CNTN4: variants seen among roughly 807,000 people sequenced by gnomAD.
CNTN4 encodes the protein contactin-4.
Under a neutral mutation model 122.5 loss-of-function variants are expected in CNTN4, and 77 were observed. The ratio of observed to expected loss-of-function variants is 0.63; its 90% CI spans 0.52 to 0.76. The LOEUF (loss-of-function observed/expected upper bound fraction) is 0.76, where lower values mean the gene tolerates loss of function less well. CNTN4 is among the 30% of genes least tolerant of loss of function. The probability of loss-of-function intolerance (pLI) is 0.00; values close to 1 mark genes in which losing one functional copy is unlikely to be tolerated. For synonymous variants in CNTN4, 512 were observed against 447.0 expected (o/e 1.15, Z -1.83); for missense variants, 1,256 against 1,259.1 (o/e 1.00, Z 0.04).
chr3:2,415,922 C>T (rs1457242601), intron 3 of CNTN4, among the ~76,000 whole-genome samples: 1 of 152,066 alleles, frequency 6.6e-6, no homozygotes, highest in Non-Finnish European at 1.5e-5. Context: ...AAGTTATAAC[C>T]TACATTTGTT....
rs116774526 is a variant in CNTN4, at chr3:2,680,431, G to A, written c.56-55784G>A. Among the ~76,000 whole-genome samples, 1,025 of 152,276 alleles carry A rather than the reference G, an allele frequency of 6.7e-3. 12 individuals carry two copies. Among genetic ancestry groups the A allele is most frequent in the African/African-American group, 0.023 (963 of 41,558 alleles). On this transcript the variant is annotated intron_variant, in intron 4 of 24. Transcript: ENST00000418658. ...ACATGGTGGTGCTCAGTCCTGGCTC[G>A]GATACAGTGAGGCAGGCTTTCTGTA...
intron 13 of CNTN4, among the ~76,000 whole-genome samples, chr3:2,969,607 G>A (rs1402445971): frequency 6.6e-6 from 1 of 152,092 alleles, no homozygotes; most frequent in East Asian, 1.9e-4. Flanking sequence ...GGAAAATTGT[G>A]ATCAGAGTGA....
At chr3:2,398,103 C>A (rs1232095490) in intron 3 of CNTN4, among the ~76,000 whole-genome samples, 1 of 151,932 alleles carries the variant, frequency 6.6e-6, no homozygotes, top group South Asian at 2.1e-4. Context: ...TATTAAAAGT[C>A]GAGACAGTTT....
chr3:2,593,197 A>G (rs1309888523), intron 4 of CNTN4, among the ~76,000 whole-genome samples: 2 of 152,230 alleles, frequency 1.3e-5, no homozygotes, highest in East Asian at 1.9e-4. Context: ...GCATAATATT[A>G]TAGCTGAAAT....
chr3:2,344,713 G>T (rs752805943), intron 3 of CNTN4, among the ~76,000 whole-genome samples: 1 of 152,094 alleles, frequency 6.6e-6, no homozygotes, highest in Admixed American at 6.5e-5. Flanking sequence ...TAAAATAAGG[G>T]TACTGATTAG....
chr3:2,281,359 A>G (rs188802962), intron 2 of CNTN4, among the ~76,000 whole-genome samples: 1 of 152,246 alleles, frequency 6.6e-6, no homozygotes, highest in Non-Finnish European at 1.5e-5. Context: ...GGGACTGTCT[A>G]GTAACTCCTA....
intron 4 of CNTN4, among the ~76,000 whole-genome samples, chr3:2,708,729 A>T (rs544058808): frequency 0.048 from 224 of 4,656 alleles, 1 homozygote; most frequent in African/African-American, 0.14. Flanking sequence ...CGCGCGCATC[A>T]CACACACACA....
chr3:2,928,397 G>A (rs1327072476), intron 13 of CNTN4, among the ~76,000 whole-genome samples: 1 of 152,154 alleles, frequency 6.6e-6, no homozygotes, highest in African/African-American at 2.4e-5. Flanking sequence ...AGAGAAGAGG[G>A]AAAATTAAGT....
intron 4 of CNTN4, among the ~76,000 whole-genome samples, chr3:2,689,497 G>A (rs907794655): frequency 6.6e-6 from 1 of 152,036 alleles, no homozygotes; most frequent in East Asian, 1.9e-4. Context: ...ATTCTTTTTT[G>A]TGACTTGCCT....
chr3:2,443,148 TAA>T (rs10576200), intron 3 of CNTN4, among the ~76,000 whole-genome samples: 38,650 of 139,794 alleles, frequency 0.28, 5,437 homozygotes, highest in Non-Finnish European at 0.35. Flanking sequence ...AAATAAAAGT[TAA>T]AAAAAAAAAA....
At chr3:2,761,693 A>T (rs2090599230) in intron 6 of CNTN4, among the ~76,000 whole-genome samples, 1 of 152,162 alleles carries the variant, frequency 6.6e-6, no homozygotes, top group Non-Finnish European at 1.5e-5. Context: ...ATTGGTACAT[A>T]GTAGATGTTC....
chr3:2,287,660 A>G (rs9871673), intron 2 of CNTN4, among the ~76,000 whole-genome samples: 16 of 33,288 alleles, frequency 4.8e-4, no homozygotes, highest in African/African-American at 1.4e-3. Flanking sequence ...AAGAAGAAGA[A>G]GAAGAAGAAG....
chr3:2,462,003 G>A (rs1236381714), intron 3 of CNTN4, among the ~76,000 whole-genome samples: 1 of 152,100 alleles, frequency 6.6e-6, no homozygotes, highest in African/African-American at 2.4e-5. Context: ...GACATTTTTG[G>A]TTATCACAAC....
chr3:2,407,920 G>A (rs1161816670), intron 3 of CNTN4, among the ~76,000 whole-genome samples: 8 of 152,182 alleles, frequency 5.3e-5, no homozygotes, highest in Non-Finnish European at 1.0e-4. Context: ...ATACACGTAT[G>A]TACATATCTG....
chr3:2,176,532 A>G (rs2036755057), intron 2 of CNTN4, among the ~76,000 whole-genome samples: 2 of 152,132 alleles, frequency 1.3e-5, no homozygotes, highest in South Asian at 4.1e-4. Context: ...TTAAATTTAA[A>G]ATAAGAATTT....
At chr3:2,268,180 G>A (rs1215992267) in intron 2 of CNTN4, among the ~76,000 whole-genome samples, 1 of 152,056 alleles carries the variant, frequency 6.6e-6, no homozygotes, top group African/African-American at 2.4e-5. Context: ...GATACAGGTA[G>A]GACTATTCTC....
intron 6 of CNTN4, among the ~76,000 whole-genome samples, chr3:2,794,456 C>T (rs757263827): frequency 6.6e-6 from 1 of 152,086 alleles, no homozygotes; most frequent in Admixed American, 6.5e-5. Flanking sequence ...ATAATAAATC[C>T]CTTTTTTTGT....
intron 13 of CNTN4, among the ~76,000 whole-genome samples, chr3:2,943,009 G>A (rs2094631464): frequency 6.6e-6 from 1 of 152,172 alleles, no homozygotes; most frequent in African/African-American, 2.4e-5. Flanking sequence ...GGAAATGCAA[G>A]ATTATAATTG....
intron 4 of CNTN4, among the ~76,000 whole-genome samples, chr3:2,679,378 C>T (rs1371501463): frequency 6.6e-6 from 1 of 152,108 alleles, no homozygotes; most frequent in Non-Finnish European, 1.5e-5. Flanking sequence ...GGCAGAGACT[C>T]AGCCCATCAA....
Sources: allele counts gnomAD v4.1 joint callset (sites outside exome capture counted in the v4.1 genomes callset), GRCh38; gene constraint gnomAD v4.1.1; transcripts MANE v1.5; gene names NCBI Gene and HGNC (gene_info 2026-07-23, HGNC 2026-07-21).